The following GABRG3 variants were observed in gnomAD, a reference collection of about 807,000 sequenced individuals.
GABRG3 encodes gamma-aminobutyric acid type A receptor subunit gamma3, also known as gamma-aminobutyric acid receptor subunit gamma-3.
A neutral mutation model predicts 48.8 loss-of-function variants in GABRG3; 25 were observed. That is an observed-to-expected ratio of 0.51 (90% confidence interval 0.37 to 0.72). The LOEUF is 0.72. Among genes scored for constraint, GABRG3 ranks in the 30% least tolerant of loss-of-function variants. The probability of loss-of-function intolerance (pLI) is 0.00; values close to 1 mark genes in which losing one functional copy is unlikely to be tolerated. For synonymous variants in GABRG3, 227 were observed against 217.6 expected (o/e 1.04, Z -0.38); for missense variants, 394 against 577.9 (o/e 0.68, Z 3.26).
intron 3 of GABRG3, among the ~76,000 whole-genome samples, chr15:27,028,590 A>G (rs1896024440): frequency 6.6e-6 from 1 of 152,084 alleles, no homozygotes; most frequent in South Asian, 2.1e-4. Context: ...GCAGATCACA[A>G]GGTCAGGAGT....
chr15:27,306,200 A>C (rs1892424679), intron 3 of GABRG3, among the ~76,000 whole-genome samples: 1 of 132,314 alleles, frequency 7.6e-6, no homozygotes, highest in East Asian at 2.2e-4. Context: ...ACATATTTAT[A>C]ATATAAACAT....
At chr15:27,507,579 G>C (rs531685617) in intron 6 of GABRG3, among the ~76,000 whole-genome samples, 9 of 152,144 alleles carry the variant, frequency 5.9e-5, no homozygotes, top group Non-Finnish European at 1.3e-4. Context: ...CCCAGAATAT[G>C]TTCTATTTTG....
intron 3 of GABRG3, among the ~76,000 whole-genome samples, chr15:27,233,655 G>A (rs954952667): frequency 1.3e-5 from 2 of 152,072 alleles, no homozygotes; most frequent in East Asian, 1.9e-4. Context: ...TTGGGGAGTC[G>A]ACTTTCAACA....
intron 5 of GABRG3, among the ~76,000 whole-genome samples, chr15:27,455,721 T>A (rs1329247214): frequency 1.3e-5 from 2 of 150,758 alleles, no homozygotes; most frequent in Non-Finnish European, 2.9e-5. Flanking sequence ...GCATGCTATG[T>A]GTGGTTTGTG....
At chr15:27,001,647 G>A (rs1361662933) in intron 2 of GABRG3, among the ~76,000 whole-genome samples, 1 of 152,208 alleles carries the variant, frequency 6.6e-6, no homozygotes, top group African/African-American at 2.4e-5. Flanking sequence ...GGGCAGGGAT[G>A]TGCAGTTGTT....
intron 3 of GABRG3, among the ~76,000 whole-genome samples, chr15:27,036,278 C>A (rs1421068321): frequency 6.6e-6 from 1 of 152,208 alleles, no homozygotes; most frequent in Non-Finnish European, 1.5e-5. Flanking sequence ...GACATGAGAG[C>A]TCCTAGGCGC....
chr15:27,405,871 A>C (rs541030095), intron 5 of GABRG3, among the ~76,000 whole-genome samples: 1 of 152,156 alleles, frequency 6.6e-6, no homozygotes, highest in African/African-American at 2.4e-5. Context: ...ATATAGGGAA[A>C]ATAGAGGAAA....
intron 5 of GABRG3, among the ~76,000 whole-genome samples, chr15:27,388,738 T>G (rs955803937): frequency 6.6e-6 from 1 of 151,738 alleles, no homozygotes; most frequent in African/African-American, 2.4e-5. Context: ...CAGCGGAGAG[T>G]GCACCAACTA....
intron 3 of GABRG3, among the ~76,000 whole-genome samples, chr15:27,192,735 C>T (rs1441459571): frequency 6.6e-6 from 1 of 152,216 alleles, no homozygotes; most frequent in Non-Finnish European, 1.5e-5. Flanking sequence ...CATTCTCCGT[C>T]CAGCTTTGTT....
chr15:27,382,465 A>G (rs1895803907), intron 5 of GABRG3, among the ~76,000 whole-genome samples: 1 of 152,198 alleles, frequency 6.6e-6, no homozygotes, highest in South Asian at 2.1e-4. Context: ...GGCAGAAAAT[A>G]CTCAGAAGAG....
At chr15:27,333,327 A>G (rs898603332) in intron 5 of GABRG3, among the ~76,000 whole-genome samples, 1 of 152,208 alleles carries the variant, frequency 6.6e-6, no homozygotes, top group Non-Finnish European at 1.5e-5. Context: ...AGGTGTGGGC[A>G]GGGCACCATT....
At chr15:27,119,256 A>G (rs1897692292) in intron 3 of GABRG3, among the ~76,000 whole-genome samples, 1 of 152,146 alleles carries the variant, frequency 6.6e-6, no homozygotes, top group Admixed American at 6.5e-5. Context: ...AACATATGCC[A>G]TTTTCCCTGT....
chr15:27,117,766 A>G (rs546788727), intron 3 of GABRG3, among the ~76,000 whole-genome samples: 1 of 152,318 alleles, frequency 6.6e-6, no homozygotes, highest in South Asian at 2.1e-4. Context: ...AATAATGACA[A>G]CAATAATAAC....
chr15:26,977,280 C>T, intron 2 of GABRG3, 130 bp downstream of exon 2: 1 of 922,354 alleles, frequency 1.1e-6, no homozygotes, highest in Admixed American at 2.5e-5. Flanking sequence ...ACTTGTCACA[C>T]AATAGATAAC....
At chr15:27,307,449 A>ATAGGTT in intron 3 of GABRG3, among the ~76,000 whole-genome samples, 1 of 65,598 alleles carries the variant, frequency 1.5e-5, no homozygotes. Flanking sequence ...ATATATAAAC[A>ATAGGTT]TATAGGTTTA....
chr15:27,325,411 G>A (rs1893579623), intron 3 of GABRG3, among the ~76,000 whole-genome samples: 1 of 152,130 alleles, frequency 6.6e-6, no homozygotes, highest in Non-Finnish European at 1.5e-5. Context: ...GAGGCTTCTG[G>A]AAAAGCTCGC....
intron 3 of GABRG3, among the ~76,000 whole-genome samples, chr15:27,133,811 T>A (rs1897962202): frequency 6.6e-6 from 1 of 152,228 alleles, no homozygotes; most frequent in Admixed American, 6.5e-5. Flanking sequence ...ATAAATCATT[T>A]TTGTTGGTGT....
At chr15:26,984,627 T>A (rs1000828586) in intron 2 of GABRG3, among the ~76,000 whole-genome samples, 4 of 152,186 alleles carry the variant, frequency 2.6e-5, no homozygotes, top group Non-Finnish European at 5.9e-5. Context: ...GGGTGTCATT[T>A]TTCTTGGAAC....
Position 27,139,137 on chromosome 15 carries a change from G to T in GABRG3, c.270+112316G>T, listed in dbSNP as rs142331452. Among the ~76,000 whole-genome samples, 486 of 152,270 alleles carry T rather than the reference G, an allele frequency of 3.2e-3. 1 individual carries two copies. The highest frequency in any genetic ancestry group is 0.011 in the African/African-American group (470 of 41,552). The stretch of plus-strand genomic sequence containing the variant: ...AGGCTGAAAAGTCCCATGATGAGCT[G>T]CCTGCAAGCTGGAGGACTGGGGAGG... On this transcript the variant is annotated intron_variant, in intron 3 of 9. Coordinates refer to ENST00000615808, the MANE Select transcript of GABRG3 (RefSeq NM_033223.5).
Sources: gnomAD v4.1 joint callset for allele counts (sites outside exome capture counted in the v4.1 genomes callset) on GRCh38, gnomAD v4.1.1 for gene constraint, MANE v1.5 for transcripts, NCBI Gene and HGNC (gene_info 2026-07-23, HGNC 2026-07-21) for gene names.